The following ATRX variants were observed in gnomAD, a reference collection of about 807,000 sequenced individuals.
The protein encoded by ATRX is ATRX chromatin remodeler.
Under a neutral mutation model 172.6 loss-of-function variants are expected in ATRX, and 12 were observed. The observed-to-expected ratio is 0.07, with a 90% confidence interval of 0.04 to 0.11. The LOEUF is 0.11. Ranked by LOEUF, ATRX falls within the 10% of genes least tolerant of loss-of-function variation. ATRX has a pLI of 1.00. For missense variants in ATRX, 1,368 were observed against 1,767.4 expected (o/e 0.77, Z 4.05); for synonymous variants, 674 against 594.7 (o/e 1.13, Z -1.94).
At chrX:77,714,024 A>C (rs1557163206) in intron 2 of ATRX, among the ~76,000 whole-genome samples, 1 of 111,588 alleles carries the variant, frequency 9.0e-6, no homozygotes, top group Non-Finnish European at 1.9e-5. Context: ...AGCAGGTGGC[A>C]GCAGAATTAG....
intron 30 of ATRX, among the ~76,000 whole-genome samples, chrX:77,531,496 GA>G (rs1354193322): frequency 1.8e-5 from 2 of 111,832 alleles, no homozygotes; most frequent in Non-Finnish European, 3.8e-5. Context: ...AAATAAATGT[GA>G]TTCATCACAT....
rs782646619 is a variant in ATRX, at chrX:77,652,305, C to T, written c.4366G>A (p.Glu1456Lys). Reference sequence around the variant, plus strand: ...TCCTCCTCCTCTTCCTCCTCCTCCTCCTCTTCCTCCTCCTCTTCTTTTTCC... The same window carrying T: ...TCCTCCTCCTCTTCCTCCTCCTCCTTCTCTTCCTCCTCCTCTTCTTTTTCC... ...EEEKEEEEEE[E>K]EEEEEEEEDE... The change falls in exon 15 of 35, where the codon GAG becomes AAG. Residue 1456 changes from glutamate to lysine, a missense_variant. Glu to Lys is a moderately conservative substitution (Grantham distance 56). Around this residue, in one of 17 missense-constraint regions of ATRX, gnomAD observed 119 missense variants for 131.3 expected, o/e 0.91. Coordinates refer to ENST00000373344, the MANE Select transcript of ATRX (RefSeq NM_000489.6). The T allele has an allele frequency of 1.3e-4, 153 of 1,205,059 alleles. No homozygotes were observed. The highest frequency in any genetic ancestry group is 1.7e-4 in the Non-Finnish European group (150 of 893,244).
At chrX:77,509,998 C>T (rs1330890503) in intron 34 of ATRX, among the ~76,000 whole-genome samples, 1 of 109,784 alleles carries the variant, frequency 9.1e-6, no homozygotes, top group Non-Finnish European at 1.9e-5. Flanking sequence ...CCCCAGGCAG[C>T]ACAGCTCACA....
chrX:77,525,826 G>A (rs1041842527), intron 30 of ATRX, among the ~76,000 whole-genome samples: 1 of 112,039 alleles, frequency 8.9e-6, no homozygotes, highest in Admixed American at 9.5e-5. Context: ...CAATTCTTTG[G>A]AAATAGACAT....
At chrX:77,538,800 C>G (rs782647505) in intron 30 of ATRX, among the ~76,000 whole-genome samples, 1 of 110,680 alleles carries the variant, frequency 9.0e-6, no homozygotes, top group East Asian at 2.8e-4. Context: ...GAGGCGCAGA[C>G]ATTAAGTGAT....
chrX:77,596,675 G>A (rs1240389055), intron 25 of ATRX: 2 of 110,719 alleles, frequency 1.8e-5, no homozygotes, highest in East Asian at 2.8e-4. Flanking sequence ...TGCCCCCAGT[G>A]CTTTCCAACC....
chrX:77,522,484 T>C, intron 31 of ATRX, 96 bp from the exon 32 acceptor site: 6 of 967,589 alleles, frequency 6.2e-6, no homozygotes, highest in Non-Finnish European at 8.8e-6. Context: ...CATTCTCAGA[T>C]CCAGGAAATT....
intron 34 of ATRX, among the ~76,000 whole-genome samples, chrX:77,510,336 C>T (rs782147320): frequency 2.8e-4 from 30 of 108,870 alleles, no homozygotes; most frequent in African/African-American, 9.4e-4. Flanking sequence ...CAGAGACATG[C>T]TACCTTCAGG....
At chrX:77,757,827 A>T (rs1271292563) in intron 1 of ATRX, among the ~76,000 whole-genome samples, 1 of 108,608 alleles carries the variant, frequency 9.2e-6, no homozygotes, top group Non-Finnish European at 1.9e-5. Flanking sequence ...CCCTGCCACC[A>T]CGCTCAGCTA....
Position 77,683,910 on chromosome X carries a change from G to C in ATRX, c.1346C>G (p.Pro449Arg), listed in dbSNP as rs782163488. The C allele has an allele frequency of 1.9e-5, 23 of 1,207,398 alleles. No individual in the cohort carries two copies. Among genetic ancestry groups the C allele is most frequent in the Middle Eastern group, 2.3e-4 (1 of 4,360 alleles). The change falls in exon 9 of 35, where the codon CCT becomes CGT. Residue 449 changes from proline (P) to arginine (R), a missense_variant. By Grantham distance (103) the Pro-to-Arg change is moderately radical. This residue lies in a region of ATRX where 843 missense variants were observed against 643.1 expected (regional missense o/e 1.31). Coordinates refer to ENST00000373344, the MANE Select transcript of ATRX (RefSeq NM_000489.6). Reference sequence around the variant, plus strand: ...AATATCCTTCTTTTCCAAAGCACAAGGTTTTTCTCCTTTTCGTGCTTTTGT... The same window carrying C: ...AATATCCTTCTTTTCCAAAGCACAACGTTTTTCTCCTTTTCGTGCTTTTGT... ...FETKARKGEKPCALEKKDISK... is the reference protein window; with the variant it reads ...FETKARKGEKRCALEKKDISK...
chrX:77,744,127 G>A (rs1178386843), intron 1 of ATRX, among the ~76,000 whole-genome samples: 1 of 112,086 alleles, frequency 8.9e-6, no homozygotes, highest in East Asian at 2.8e-4. Context: ...ACCAGCCTGG[G>A]CAATATAATG....
intron 19 of ATRX, among the ~76,000 whole-genome samples, chrX:77,629,357 T>C (rs1456954670): frequency 1.8e-5 from 2 of 112,353 alleles, no homozygotes; most frequent in African/African-American, 6.5e-5. Flanking sequence ...AATTTAGAAG[T>C]ACTGAACAGA....
chrX:77,779,091 ATTTTTTTTTT>A (rs1169146207), intron 1 of ATRX, among the ~76,000 whole-genome samples: 4 of 62,779 alleles, frequency 6.4e-5, no homozygotes, highest in African/African-American at 2.6e-4. Context: ...CCATGCCCGG[ATTTTTTTTTT>A]TTTTTTTTTT....
intron 2 of ATRX, among the ~76,000 whole-genome samples, chrX:77,708,314 G>T (rs1255645500): frequency 1.8e-5 from 2 of 112,309 alleles, no homozygotes; most frequent in African/African-American, 6.5e-5. Context: ...CTAAATGAAA[G>T]AAATCAGCCA....
At chrX:77,539,558 G>A (rs781880047) in intron 30 of ATRX, among the ~76,000 whole-genome samples, 29 of 108,235 alleles carry the variant, frequency 2.7e-4, no homozygotes, top group African/African-American at 8.0e-4. Flanking sequence ...AAATGAATAC[G>A]CTAAAAAAAA....
intron 7 of ATRX, among the ~76,000 whole-genome samples, chrX:77,686,357 TACAA>T (rs1344791545): frequency 1.5e-4 from 17 of 111,862 alleles, no homozygotes; most frequent in Admixed American, 4.7e-4. Context: ...ATTTTAAAAA[TACAA>T]ACAATTTTTT....
intron 1 of ATRX, among the ~76,000 whole-genome samples, chrX:77,778,737 G>T: frequency 9.3e-6 from 1 of 107,359 alleles, no homozygotes; most frequent in Admixed American, 1.0e-4. Flanking sequence ...AAAAAAAAAG[G>T]CACAATAGTT....
intron 1 of ATRX, among the ~76,000 whole-genome samples, chrX:77,765,684 T>TTTTTA (rs1311635259): frequency 9.0e-6 from 1 of 110,933 alleles, no homozygotes; most frequent in Non-Finnish European, 1.9e-5. Flanking sequence ...TTTTTTAATT[T>TTTTTA]TTTTTATTTT....
At chrX:77,566,048 T>C (rs1266613204) in intron 28 of ATRX, among the ~76,000 whole-genome samples, 6 of 110,297 alleles carry the variant, frequency 5.4e-5, no homozygotes, top group Non-Finnish European at 1.1e-4. Flanking sequence ...AGATTTAATA[T>C]TTTTGTCATT....
Sources: allele counts gnomAD v4.1 joint callset (sites outside exome capture counted in the v4.1 genomes callset), GRCh38; gene constraint gnomAD v4.1.1; regional missense constraint gnomAD v4.1.1; transcripts MANE v1.5; gene names NCBI Gene and HGNC (gene_info 2026-07-23, HGNC 2026-07-21).